The following GALNT13 variants were observed in gnomAD, a reference collection of about 807,000 sequenced individuals.
The protein encoded by GALNT13 is polypeptide N-acetylgalactosaminyltransferase 13, also known as UDP-GalNAc:polypeptide N-acetylgalactosaminyltransferase 13.
In GALNT13, 28 loss-of-function variants were observed where a neutral mutation model predicts 64.2. The observed-to-expected ratio is 0.44, with a 90% CI of 0.32 to 0.60. The LOEUF (loss-of-function observed/expected upper bound fraction) is 0.60. Ranked by LOEUF, GALNT13 falls within the 20% of genes least tolerant of loss-of-function variation. GALNT13 has a pLI of 0.05. For synonymous variants in GALNT13, 214 were observed against 224.6 expected (o/e 0.95, Z 0.42); for missense variants, 577 against 669.8 (o/e 0.86, Z 1.53).
At chr2:153,422,536 G>C in the GALNT13 span, among the ~76,000 whole-genome samples, 2 of 151,958 alleles carry the variant, frequency 1.3e-5, no homozygotes. Context: ...TAAATCTTAG[G>C]CTAAGTGCTC....
chr2:153,839,143 G>T, the GALNT13 span, among the ~76,000 whole-genome samples: 4 of 151,646 alleles, frequency 2.6e-5, no homozygotes, highest in Admixed American at 6.6e-5. Flanking sequence ...GAATTTGTTC[G>T]TTCTAACAAT....
chr2:153,844,030 C>A, the GALNT13 span, among the ~76,000 whole-genome samples: 1 of 152,126 alleles, frequency 6.6e-6, no homozygotes, highest in African/African-American at 2.4e-5. Flanking sequence ...ATAAGTGCAT[C>A]CTCCCTTTGG....
At chr2:154,406,038 T>C (rs1699522931) in intron 10 of GALNT13, among the ~76,000 whole-genome samples, 7 of 152,120 alleles carry the variant, frequency 4.6e-5, no homozygotes, top group Admixed American at 4.6e-4. Context: ...ATCAAAGTGA[T>C]TTTCAAGTAT....
the GALNT13 span, among the ~76,000 whole-genome samples, chr2:153,531,294 C>T: frequency 6.6e-6 from 1 of 152,112 alleles, no homozygotes; most frequent in African/African-American, 2.4e-5. Flanking sequence ...AGGAAACTTA[C>T]AATCATGGTA....
chr2:153,812,640 C>G, the GALNT13 span, among the ~76,000 whole-genome samples: 5 of 152,312 alleles, frequency 3.3e-5, no homozygotes, highest in Non-Finnish European at 7.4e-5. Flanking sequence ...TGTGGCCATT[C>G]CTACAGATTA....
At chr2:154,154,934 TTGTGTG>T (rs60456139) in intron 4 of GALNT13, among the ~76,000 whole-genome samples, 2,453 of 149,400 alleles carry the variant, frequency 0.016, 20 homozygotes, top group Middle Eastern at 0.038. Flanking sequence ...TTGTTTATGT[TTGTGTG>T]TGTGTGTGTG....
intron 11 of GALNT13, among the ~76,000 whole-genome samples, chr2:154,438,358 G>T (rs1527861): frequency 6.6e-6 from 1 of 151,942 alleles, no homozygotes; most frequent in East Asian, 1.9e-4. Context: ...GTATTTAAAG[G>T]TTTGTTTTGT....
the GALNT13 span, among the ~76,000 whole-genome samples, chr2:153,693,844 G>T: frequency 6.6e-6 from 1 of 152,096 alleles, no homozygotes. Context: ...GCTGGGCGCG[G>T]TGGCTCACTC....
At chr2:153,956,228 A>G (rs1692558465) in intron 3 of GALNT13, among the ~76,000 whole-genome samples, 1 of 152,220 alleles carries the variant, frequency 6.6e-6, no homozygotes, top group Admixed American at 6.5e-5. Flanking sequence ...TAATCAGAGG[A>G]GAAAAACTCA....
intron 4 of GALNT13, among the ~76,000 whole-genome samples, chr2:154,153,764 C>T (rs1396628080): frequency 6.6e-6 from 1 of 152,180 alleles, no homozygotes; most frequent in African/African-American, 2.4e-5. Flanking sequence ...CCTGGTGTGC[C>T]GTTTTTTAAG....
the GALNT13 span, among the ~76,000 whole-genome samples, chr2:153,109,448 A>C: frequency 6.6e-6 from 1 of 152,204 alleles, no homozygotes; most frequent in South Asian, 2.1e-4. Context: ...AGACCCTTTC[A>C]GAGAGTTCAA....
chr2:153,576,055 G>T, the GALNT13 span, among the ~76,000 whole-genome samples: 1 of 152,124 alleles, frequency 6.6e-6, no homozygotes, highest in Non-Finnish European at 1.5e-5. Context: ...TGAATTCCAG[G>T]AGCTCAGACC....
At chr2:153,096,350 C>T in the GALNT13 span, among the ~76,000 whole-genome samples, 10 of 151,744 alleles carry the variant, frequency 6.6e-5, no homozygotes, top group Non-Finnish European at 1.2e-4. Context: ...TACAGCCATT[C>T]GATAAAATGT....
Position 154,116,600 on chromosome 2 carries a change from A to T in GALNT13, c.143-23737A>T, listed in dbSNP as rs150373952. The stretch of plus-strand genomic sequence containing the variant: ...TTCTCTACATACAGTCAAAGATATT[A>T]TGTGCAGAGTCACTAAACTCCTTGC... On this transcript the variant is annotated intron_variant, in intron 3 of 12. Coordinates refer to ENST00000392825, the MANE Select transcript of GALNT13 (RefSeq NM_052917.4). Among the ~76,000 whole-genome samples, 590 of 152,288 alleles carry T rather than the reference A, an allele frequency of 3.9e-3. 2 individuals are homozygous for T. The highest frequency in any genetic ancestry group is 0.014 in the African/African-American group (565 of 41,552).
At chr2:153,477,422 A>C in the GALNT13 span, 1 of 152,600 alleles carries the variant, frequency 6.6e-6, no homozygotes, top group African/African-American at 2.4e-5. Flanking sequence ...TGTCAAGAGC[A>C]CTTTTGTGGC....
At chr2:153,851,560 C>A in the GALNT13 span, among the ~76,000 whole-genome samples, 2 of 150,988 alleles carry the variant, frequency 1.3e-5, no homozygotes, top group East Asian at 1.9e-4. Context: ...AAAAAAGTAG[C>A]TTGGTGTGAT....
At chr2:153,162,774 A>G in the GALNT13 span, among the ~76,000 whole-genome samples, 1 of 152,222 alleles carries the variant, frequency 6.6e-6, no homozygotes, top group Admixed American at 6.5e-5. Flanking sequence ...AGTGAGATGA[A>G]TATAAGTTGA....
the GALNT13 span, among the ~76,000 whole-genome samples, chr2:153,114,673 T>G: frequency 1.3e-5 from 2 of 152,112 alleles, no homozygotes; most frequent in African/African-American, 4.8e-5. Context: ...ACCCAAAACC[T>G]ACCTGGCGGT....
At chr2:154,043,455 T>TATATATATATATATATATACACAC (rs1341373277) in intron 3 of GALNT13, among the ~76,000 whole-genome samples, 2 of 105,004 alleles carry the variant, frequency 1.9e-5, no homozygotes, top group East Asian at 6.3e-4. Context: ...TATATATATA[T>TATATATATATATATATATACACAC]ACACACATGT....
Sources: allele counts gnomAD v4.1 joint callset (sites outside exome capture counted in the v4.1 genomes callset), GRCh38; gene constraint gnomAD v4.1.1; transcripts MANE v1.5; gene names NCBI Gene and HGNC (gene_info 2026-07-23, HGNC 2026-07-21).